TLL2: variants seen among roughly 807,000 people sequenced by gnomAD.
TLL2 encodes tolloid-like protein 2.
In TLL2, 106 loss-of-function variants were observed where a neutral mutation model predicts 123.0. That is an observed-to-expected ratio of 0.86 (90% CI 0.74 to 1.01). The LOEUF is 1.01. Among genes scored for constraint, TLL2 ranks in the 50% least tolerant of loss-of-function variants. The probability of loss-of-function intolerance (pLI) is 0.00; values close to 1 mark genes in which losing one functional copy is unlikely to be tolerated. For missense variants in TLL2, 1,332 were observed against 1,336.7 expected (o/e 1.00, Z 0.06); for synonymous variants, 494 against 516.8 (o/e 0.96, Z 0.60).
chr10:96,373,934 G>A (rs1259056165), intron 18 of TLL2, 125 bp from the exon 19 acceptor site: 11 of 775,298 alleles, frequency 1.4e-5, no homozygotes, highest in East Asian at 2.6e-5. Flanking sequence ...GGCTGTGCAG[G>A]GGGTGTGTGG....
intron 19 of TLL2, among the ~76,000 whole-genome samples, chr10:96,371,810 G>C (rs1177001190): frequency 6.6e-6 from 1 of 152,216 alleles, no homozygotes; most frequent in Non-Finnish European, 1.5e-5. Context: ...AGATCAGAGG[G>C]AGGGAGGCGA....
intron 18 of TLL2, among the ~76,000 whole-genome samples, chr10:96,376,417 A>T (rs1846138342): frequency 6.6e-6 from 1 of 152,248 alleles, no homozygotes. Flanking sequence ...CTCAAACAGC[A>T]CTGCAGATGT....
rs538480505 is a variant in TLL2, at chr10:96,509,976, A to G, written c.175+3535T>C. On this transcript the variant is annotated intron_variant, in intron 1 of 20. Coordinates refer to ENST00000357947, the MANE Select transcript of TLL2 (RefSeq NM_012465.4). Reference sequence around the variant, plus strand: ...AAGTAAATAAATAAATAAATAAATAAGTAAATAAAACTGGCCTTTTGTCTA... The same window carrying G: ...AAGTAAATAAATAAATAAATAAATAGGTAAATAAAACTGGCCTTTTGTCTA... Among the ~76,000 whole-genome samples the G allele has an allele frequency of 2.6e-5, 4 of 152,262 alleles. No homozygotes were observed. The South Asian group carries it at 8.3e-4, about 32-fold the overall frequency.
At chr10:96,436,805 C>T (rs1239801853) in intron 3 of TLL2, among the ~76,000 whole-genome samples, 1 of 152,020 alleles carries the variant, frequency 6.6e-6, no homozygotes, top group African/African-American at 2.4e-5. Flanking sequence ...CCCCCCTCAC[C>T]CTCCCAAGTA....
At chr10:96,490,990 CCT>C (rs1324726042) in intron 1 of TLL2, among the ~76,000 whole-genome samples, 1 of 152,218 alleles carries the variant, frequency 6.6e-6, no homozygotes, top group African/African-American at 2.4e-5. Flanking sequence ...CTCCCCTCCA[CCT>C]CTCTGTGTTC....
rs1393187911 is a variant in TLL2 at position 96,364,894 on chromosome 10, T to G, written c.*3194A>C. The G allele has an allele frequency of 1.3e-5, 2 of 152,230 alleles. No individual in the cohort carries two copies. Among genetic ancestry groups the G allele is most frequent in the East Asian group, 3.8e-4 (2 of 5,208 alleles). 9.4% of individuals were successfully genotyped at this position (152,230 alleles called of 1,614,324 possible). On this transcript the variant is annotated 3_prime_UTR_variant, in exon 21 of 21. Coordinates refer to ENST00000357947, the MANE Select transcript of TLL2 (RefSeq NM_012465.4). ...ACAAATGGAACGCTAACAATACCAA[T>G]CTGAAAGCTATCAAAGGGACCCAAT...
At chr10:96,468,957 T>C (rs1847153852) in intron 2 of TLL2, among the ~76,000 whole-genome samples, 1 of 152,268 alleles carries the variant, frequency 6.6e-6, no homozygotes. Context: ...TTATGCTGCA[T>C]TCTTTTTCCT....
At chr10:96,437,436 C>T (rs1218801601) in intron 3 of TLL2, among the ~76,000 whole-genome samples, 1 of 152,186 alleles carries the variant, frequency 6.6e-6, no homozygotes, top group Non-Finnish European at 1.5e-5. Context: ...GTGTGTAAGA[C>T]AATTTTATCA....
intron 13 of TLL2, among the ~76,000 whole-genome samples, chr10:96,391,437 A>G (rs991259250): frequency 6.6e-5 from 10 of 152,198 alleles, no homozygotes; most frequent in African/African-American, 2.4e-4. Context: ...GGAAGGTAGA[A>G]AGGTGACCAG....
intron 3 of TLL2, among the ~76,000 whole-genome samples, chr10:96,438,516 A>G (rs146981491): frequency 2.0e-5 from 3 of 152,268 alleles, no homozygotes. Flanking sequence ...GAACTCATTG[A>G]TTGGTTCTAG....
chr10:96,375,043 C>T (rs1846125306), intron 18 of TLL2, among the ~76,000 whole-genome samples: 1 of 151,610 alleles, frequency 6.6e-6, no homozygotes, highest in South Asian at 2.1e-4. Context: ...GGGAAGGGAC[C>T]AGCACGGCAA....
chr10:96,498,929 T>C (rs758564581), intron 1 of TLL2, among the ~76,000 whole-genome samples: 4 of 152,084 alleles, frequency 2.6e-5, no homozygotes, highest in Non-Finnish European at 4.4e-5. Context: ...GATTTTGATG[T>C]GAGAAAAAAA....
intron 2 of TLL2, among the ~76,000 whole-genome samples, chr10:96,449,444 T>C (rs952007906): frequency 6.6e-6 from 1 of 152,208 alleles, no homozygotes; most frequent in Non-Finnish European, 1.5e-5. Context: ...GCTGGAGCCA[T>C]GGCAGTTAAG....
At chr10:96,512,837 C>A (rs7911463) in intron 1 of TLL2, among the ~76,000 whole-genome samples, 4,801 of 152,300 alleles carry the variant, frequency 0.032, 251 homozygotes, top group African/African-American at 0.11. Flanking sequence ...AGCGCCCGGG[C>A]GGCGATTGCG....
At chr10:96,504,289 C>G (rs889116802) in intron 1 of TLL2, among the ~76,000 whole-genome samples, 16 of 152,142 alleles carry the variant, frequency 1.1e-4, no homozygotes, top group African/African-American at 3.9e-4. Flanking sequence ...CACTGAGATT[C>G]ATGGAAGATT....
At chr10:96,453,333 G>A (rs1367674904) in intron 2 of TLL2, among the ~76,000 whole-genome samples, 1 of 152,134 alleles carries the variant, frequency 6.6e-6, no homozygotes, top group African/African-American at 2.4e-5. Flanking sequence ...GCGCGCACCT[G>A]TAATTACAGC....
At position 96,367,850 on chromosome 10, in the gene TLL2, T is replaced by G. The variant is rs984953181; in HGVS notation, c.*238A>C. The G allele has an allele frequency of 4.1e-6, 2 of 485,168 alleles. No homozygotes were observed. The highest frequency in any genetic ancestry group is 7.4e-6 in the Non-Finnish European group (2 of 270,856). The allele number at this position is 485,168 out of a possible 1,614,324, so 30.1% of individuals were successfully genotyped here. On this transcript the variant is annotated 3_prime_UTR_variant, in exon 21 of 21. Transcript: ENST00000357947. ...ACTTCAATCCTAATCTTTAACACTT[T>G]AACAGTTCATGAATGATAACATTGC... is the stretch of plus-strand genomic sequence containing the variant.
chr10:96,373,451 T>C, intron 19 of TLL2, 145 bp downstream of exon 19: 1 of 771,194 alleles, frequency 1.3e-6, no homozygotes, highest in Non-Finnish European at 2.1e-6. Context: ...TGATGCTTCA[T>C]TTTAATAGGA....
In TLL2 at chr10:96,367,974, G is replaced by T; in HGVS notation, c.*114C>A. The stretch of plus-strand genomic sequence containing the variant: ...CTCTAAGGCTGGATTCTGAGTTTTT[G>T]TTTGAGAAAAATACTGTACACTGTT... On this transcript the variant is annotated 3_prime_UTR_variant, in exon 21 of 21. Coordinates refer to ENST00000357947, the MANE Select transcript of TLL2 (RefSeq NM_012465.4). 4 of 1,323,926 alleles carry T rather than the reference G, an allele frequency of 3.0e-6. No homozygotes were observed. Among genetic ancestry groups the T allele is most frequent in the Non-Finnish European group, 4.1e-6 (4 of 981,234 alleles). The allele number at this position is 1,323,926 out of a possible 1,614,324, so 82.0% of individuals were successfully genotyped here. A position where few individuals can be genotyped will look rare whatever the true frequency, so the allele number is the denominator to read the frequency against.
Sources: gnomAD v4.1 joint callset for allele counts (sites outside exome capture counted in the v4.1 genomes callset) on GRCh38, gnomAD v4.1.1 for gene constraint, MANE v1.5 for transcripts, NCBI Gene and HGNC (gene_info 2026-07-23, HGNC 2026-07-21) for gene names.